The following RBFOX1 variants were observed in gnomAD, a reference collection of about 807,000 sequenced individuals.
RBFOX1 encodes the protein RNA binding protein fox-1 homolog 1.
A neutral mutation model predicts 57.7 loss-of-function variants in RBFOX1; 8 were observed. The ratio of observed to expected loss-of-function variants is 0.14; its 90% confidence interval spans 0.08 to 0.25. The LOEUF (loss-of-function observed/expected upper bound fraction) is 0.25, where lower values mean the gene tolerates loss of function less well. Among genes scored for constraint, RBFOX1 ranks in the 10% least tolerant of loss-of-function variants. The pLI, the probability that RBFOX1 is intolerant of heterozygous loss-of-function variation, is 1.00. For synonymous variants in RBFOX1, 326 were observed against 222.4 expected (o/e 1.47, Z -4.15); for missense variants, 611 against 548.5 (o/e 1.11, Z -1.14).
At chr16:6,039,246 T>A (rs2152410561) in intron 1 of RBFOX1, among the ~76,000 whole-genome samples, 1 of 151,230 alleles carries the variant, frequency 6.6e-6, no homozygotes, top group African/African-American at 2.4e-5. Context: ...GGTGTCAATG[T>A]CATGGCCTCT....
At chr16:5,366,364 C>G (rs2065715671) in intron 1 of RBFOX1, 2 of 373,394 alleles carry the variant, frequency 5.4e-6, no homozygotes, top group Admixed American at 3.4e-5. Context: ...AATGAGAAAA[C>G]TGAAGAAAAG....
chr16:5,494,236 C>G (rs1216240646), intron 2 of RBFOX1, among the ~76,000 whole-genome samples: 1 of 152,210 alleles, frequency 6.6e-6, no homozygotes. Flanking sequence ...CTACCCTCAT[C>G]CAGAAACCTT....
At chr16:5,924,434 G>C (rs1473446184) in intron 4 of RBFOX1, among the ~76,000 whole-genome samples, 1 of 152,124 alleles carries the variant, frequency 6.6e-6, no homozygotes, top group African/African-American at 2.4e-5. Context: ...TCCCTGGCAG[G>C]GGAATGCGAT....
chr16:5,555,597 C>G (rs73522797), intron 2 of RBFOX1, among the ~76,000 whole-genome samples: 5,382 of 152,232 alleles, frequency 0.035, 314 homozygotes, highest in African/African-American at 0.12. Flanking sequence ...TTGCACCAAC[C>G]TTATAGTTGG....
At chr16:5,910,320 G>C (rs867530361) in intron 4 of RBFOX1, among the ~76,000 whole-genome samples, 1 of 152,124 alleles carries the variant, frequency 6.6e-6, no homozygotes, top group African/African-American at 2.4e-5. Flanking sequence ...CCCGTTCCCT[G>C]CCTCCATAGC....
intron 4 of RBFOX1, among the ~76,000 whole-genome samples, chr16:5,944,055 A>C (rs949830154): frequency 1.3e-5 from 2 of 151,904 alleles, no homozygotes; most frequent in African/African-American, 4.8e-5. Context: ...CAATCCATCC[A>C]TCCATCCATC....
chr16:5,384,790 G>A (rs995243770), intron 1 of RBFOX1, among the ~76,000 whole-genome samples: 2 of 152,196 alleles, frequency 1.3e-5, no homozygotes, highest in Non-Finnish European at 2.9e-5. Flanking sequence ...CTAGCTGCGT[G>A]ACTTTTGGCA....
chr16:6,717,169 A>G (rs372572152), intron 3 of RBFOX1, among the ~76,000 whole-genome samples: 2 of 152,232 alleles, frequency 1.3e-5, no homozygotes, highest in East Asian at 3.9e-4. Flanking sequence ...TGCACGGTCT[A>G]TGGTATTGTG....
chr16:7,104,852 C>T (rs1266175314), intron 4 of RBFOX1, among the ~76,000 whole-genome samples: 2 of 152,138 alleles, frequency 1.3e-5, no homozygotes, highest in Non-Finnish European at 2.9e-5. Context: ...GGAGAACTCA[C>T]TGGTGTACAA....
At chr16:6,972,029 G>C (rs1266558400) in intron 3 of RBFOX1, among the ~76,000 whole-genome samples, 1 of 152,062 alleles carries the variant, frequency 6.6e-6, no homozygotes, top group African/African-American at 2.4e-5. Flanking sequence ...AAGAAGAGGG[G>C]AACAGAGAGG....
intron 4 of RBFOX1, among the ~76,000 whole-genome samples, chr16:7,059,553 A>G (rs1442882054): frequency 6.6e-6 from 1 of 152,190 alleles, no homozygotes; most frequent in Non-Finnish European, 1.5e-5. Flanking sequence ...TTGGCAAAAA[A>G]TGTTCAATGT....
chr16:5,583,362 T>A (rs1413416756), intron 2 of RBFOX1, among the ~76,000 whole-genome samples: 1 of 152,198 alleles, frequency 6.6e-6, no homozygotes, highest in Non-Finnish European at 1.5e-5. Context: ...TAATAATAGC[T>A]GAGTGTTGGC....
intron 4 of RBFOX1, among the ~76,000 whole-genome samples, chr16:7,446,276 A>C (rs114572516): frequency 6.6e-6 from 1 of 152,174 alleles, no homozygotes; most frequent in Non-Finnish European, 1.5e-5. Context: ...AGTTCCTTCT[A>C]TGATTGAGTT....
intron 4 of RBFOX1, among the ~76,000 whole-genome samples, chr16:7,103,093 C>G (rs1157457534): frequency 6.6e-6 from 1 of 151,084 alleles, no homozygotes; most frequent in African/African-American, 2.4e-5. Context: ...ATGCAACACT[C>G]TGTTTCTGAA....
intron 2 of RBFOX1, among the ~76,000 whole-genome samples, chr16:5,492,841 G>T (rs762995085): frequency 2.0e-5 from 3 of 152,292 alleles, no homozygotes; most frequent in African/African-American, 4.8e-5. Flanking sequence ...GCGGGGACTT[G>T]GTGCTTTTCT....
chr16:6,176,749 C>T (rs1280248363), intron 1 of RBFOX1, among the ~76,000 whole-genome samples: 2 of 151,844 alleles, frequency 1.3e-5, no homozygotes, highest in African/African-American at 4.8e-5. Flanking sequence ...AAGCTAAAAC[C>T]AGATAAACAT....
intron 2 of RBFOX1, among the ~76,000 whole-genome samples, chr16:6,532,957 A>T (rs144533194): frequency 2.8e-4 from 42 of 152,282 alleles, no homozygotes; most frequent in African/African-American, 9.9e-4. Flanking sequence ...ACAGTCTCCC[A>T]GTGTCCCTGT....
At chr16:5,942,099 T>G (rs571253582) in intron 4 of RBFOX1, among the ~76,000 whole-genome samples, 1 of 152,150 alleles carries the variant, frequency 6.6e-6, no homozygotes, top group Non-Finnish European at 1.5e-5. Context: ...AGTGGGTTCT[T>G]CTTGCCTGAT....
chr16:7,057,598 T>A (rs1342050811), intron 4 of RBFOX1, among the ~76,000 whole-genome samples: 1 of 152,220 alleles, frequency 6.6e-6, no homozygotes, highest in African/African-American at 2.4e-5. Flanking sequence ...AGTTGTTCAC[T>A]CTGGGCCAGT....
Sources: gnomAD v4.1 joint callset for allele counts (sites outside exome capture counted in the v4.1 genomes callset) on GRCh38, gnomAD v4.1.1 for gene constraint, MANE v1.5 for transcripts, NCBI Gene and HGNC (gene_info 2026-07-23, HGNC 2026-07-21) for gene names.